Variants in HECW1 observed in about 807,000 individuals in gnomAD.
HECW1 encodes the protein HECT, C2 and WW domain containing E3 ubiquitin protein ligase 1.
Under a neutral mutation model 182.3 loss-of-function variants are expected in HECW1, and 61 were observed. The ratio of observed to expected loss-of-function variants is 0.33; its 90% CI spans 0.27 to 0.41. The LOEUF is 0.41. Among genes scored for constraint, HECW1 ranks in the 10% least tolerant of loss-of-function variants. The pLI is 1.00. For missense variants in HECW1, 1,739 were observed against 2,108.9 expected (o/e 0.82, Z 3.44); for synonymous variants, 859 against 832.6 (o/e 1.03, Z -0.55).
chr7:43,186,631 C>T (rs1405010808), intron 2 of HECW1, among the ~76,000 whole-genome samples: 4 of 149,448 alleles, frequency 2.7e-5, no homozygotes, highest in Admixed American at 6.7e-5. Flanking sequence ...ATTGCACCAC[C>T]GCACTCCAGC....
intron 3 of HECW1, among the ~76,000 whole-genome samples, chr7:43,310,054 T>C (rs549620802): frequency 1.2e-4 from 19 of 152,372 alleles, no homozygotes; most frequent in African/African-American, 3.8e-4. Context: ...AGCTGGTAGA[T>C]GCTGCCTCAG....
intron 6 of HECW1, among the ~76,000 whole-genome samples, chr7:43,386,651 C>T (rs1364969854): frequency 4.6e-5 from 7 of 152,074 alleles, no homozygotes; most frequent in Non-Finnish European, 1.0e-4. Context: ...TCCAGAAATT[C>T]TGCCCCACCC....
At chr7:43,190,100 T>C (rs1793766539) in intron 2 of HECW1, among the ~76,000 whole-genome samples, 1 of 151,916 alleles carries the variant, frequency 6.6e-6, no homozygotes, top group Non-Finnish European at 1.5e-5. Flanking sequence ...TTGTTGTTGT[T>C]GTTGTTTGTT....
intron 4 of HECW1, among the ~76,000 whole-genome samples, chr7:43,313,056 GATAAA>G (rs1310506088): frequency 4.6e-5 from 7 of 152,170 alleles, no homozygotes; most frequent in African/African-American, 1.7e-4. Context: ...CAGTTTTTCT[GATAAA>G]ATAAAAGGGA....
chr7:43,265,839 C>G (rs1374711469), intron 3 of HECW1, among the ~76,000 whole-genome samples: 1 of 152,208 alleles, frequency 6.6e-6, no homozygotes, highest in African/African-American at 2.4e-5. Flanking sequence ...ACTCCCCCCT[C>G]AGGTTCAATG....
At chr7:43,426,708 G>T (rs952031923) in intron 8 of HECW1, among the ~76,000 whole-genome samples, 1 of 152,068 alleles carries the variant, frequency 6.6e-6, no homozygotes, top group African/African-American at 2.4e-5. Context: ...TCTGATCCAA[G>T]AAATTTTGGT....
intron 3 of HECW1, among the ~76,000 whole-genome samples, chr7:43,294,342 T>C (rs1805773887): frequency 6.6e-6 from 1 of 151,988 alleles, no homozygotes; most frequent in Non-Finnish European, 1.5e-5. Flanking sequence ...ACAATGGCAA[T>C]AGTCCTGCAA....
At position 43,407,732 on chromosome 7, in the gene HECW1, G is replaced by A. The variant is rs1190940504; in HGVS notation, c.801+1G>A. On this transcript the variant is annotated splice_donor_variant, in intron 8 of 29. Coordinates refer to ENST00000395891, the MANE Select transcript of HECW1 (RefSeq NM_015052.5). LOFTEE classifies it high-confidence loss of function. ...CGTGAACCCCATCTGGCAGGCCGAGGTGAGTGCTGTGGGCCCTGAAAAAAA... is the reference window on the plus strand; with the variant it reads ...CGTGAACCCCATCTGGCAGGCCGAGATGAGTGCTGTGGGCCCTGAAAAAAA... 1.2e-6 allele frequency: 2 copies of A among 1,609,248 alleles called. No homozygotes were observed. Among genetic ancestry groups the A allele is most frequent in the Non-Finnish European group, 1.7e-6 (2 of 1,176,664 alleles).
In HECW1 at chr7:43,358,543, C is replaced by G. The variant is rs189036151; in HGVS notation, c.461-2343C>G. ...GACTGGTTAGCATCCAGGCATCACC[C>G]AGGTAATGGAAAACCTGAGCAACTG... On this transcript the variant is annotated intron_variant, in intron 5 of 29. Coordinates refer to ENST00000395891, the MANE Select transcript of HECW1 (RefSeq NM_015052.5). 2.2e-3 allele frequency among the ~76,000 whole-genome samples: 335 copies of G among 152,210 alleles called. 1 individual carries two copies. Among genetic ancestry groups the G allele is most frequent in the African/African-American group, 7.9e-3 (329 of 41,512 alleles).
intron 3 of HECW1, chr7:43,311,535 C>T (rs1187435650): frequency 5.5e-6 from 4 of 728,394 alleles, no homozygotes; most frequent in South Asian, 2.7e-5. Flanking sequence ...AACATGGAAA[C>T]GCAGGACACC....
At chr7:43,416,290 G>A (rs2075992987) in intron 8 of HECW1, among the ~76,000 whole-genome samples, 1 of 151,232 alleles carries the variant, frequency 6.6e-6, no homozygotes, top group Non-Finnish European at 1.5e-5. Flanking sequence ...ACCCTGCTGT[G>A]TGAGGTGTCA....
intron 24 of HECW1, among the ~76,000 whole-genome samples, chr7:43,512,973 CA>C (rs2079951734): frequency 6.6e-6 from 1 of 152,178 alleles, no homozygotes; most frequent in African/African-American, 2.4e-5. Flanking sequence ...CATCCTCTTA[CA>C]CATTTTCTGA....
chr7:43,370,211 A>G (rs181730932), intron 6 of HECW1, among the ~76,000 whole-genome samples: 24 of 152,378 alleles, frequency 1.6e-4, no homozygotes, highest in Admixed American at 1.2e-3. Flanking sequence ...CTGGATAGAT[A>G]TCTCACCAAA....
At chr7:43,177,264 T>C (rs1792354993) in intron 2 of HECW1, among the ~76,000 whole-genome samples, 1 of 152,178 alleles carries the variant, frequency 6.6e-6, no homozygotes, top group African/African-American at 2.4e-5. Flanking sequence ...TAATGAGAAC[T>C]TTGTAGGAAC....
At chr7:43,427,670 C>T (rs375403568) in intron 8 of HECW1, among the ~76,000 whole-genome samples, 1 of 152,158 alleles carries the variant, frequency 6.6e-6, no homozygotes, top group Non-Finnish European at 1.5e-5. Flanking sequence ...CCTGCGTTCT[C>T]GGCTCAGGAT....
At chr7:43,408,133 T>C (rs1323775670) in intron 8 of HECW1, among the ~76,000 whole-genome samples, 1 of 152,124 alleles carries the variant, frequency 6.6e-6, no homozygotes, top group Admixed American at 6.5e-5. Context: ...TCTAGACCAG[T>C]TTCAGAGATT....
At chr7:43,156,384 A>G (rs974458456) in intron 2 of HECW1, among the ~76,000 whole-genome samples, 4 of 152,230 alleles carry the variant, frequency 2.6e-5, no homozygotes, top group Admixed American at 6.5e-5. Context: ...CTTAATGGTC[A>G]TTATTAATCA....
intron 7 of HECW1, among the ~76,000 whole-genome samples, chr7:43,400,557 CT>C (rs2075372242): frequency 6.6e-6 from 1 of 152,132 alleles, no homozygotes; most frequent in African/African-American, 2.4e-5. Flanking sequence ...TGACAGATAC[CT>C]ACTAAAGAGA....
At chr7:43,408,018 T>C (rs1001100943) in intron 8 of HECW1, among the ~76,000 whole-genome samples, 1 of 152,150 alleles carries the variant, frequency 6.6e-6, no homozygotes, top group African/African-American at 2.4e-5. Context: ...GCCCTTCATG[T>C]GGGAGAAGGA....
Sources: gnomAD v4.1 joint callset for allele counts (sites outside exome capture counted in the v4.1 genomes callset) on GRCh38, gnomAD v4.1.1 for gene constraint, MANE v1.5 for transcripts, NCBI Gene and HGNC (gene_info 2026-07-23, HGNC 2026-07-21) for gene names.